RAD51B: variants seen among roughly 807,000 people sequenced by gnomAD.
RAD51B encodes DNA repair protein RAD51 homolog 2.
Under a neutral mutation model 42.2 loss-of-function variants are expected in RAD51B, and 38 were observed. The ratio of observed to expected loss-of-function variants is 0.90; its 90% CI spans 0.70 to 1.18. The LOEUF is 1.18. RAD51B is among the 50% of genes most tolerant of loss of function. RAD51B has a pLI of 0.00. For synonymous variants in RAD51B, 154 were observed against 145.2 expected (o/e 1.06, Z -0.43); for missense variants, 373 against 400.7 (o/e 0.93, Z 0.59).
intron 7 of RAD51B, among the ~76,000 whole-genome samples, chr14:68,237,368 A>G (rs1048866198): frequency 1.3e-5 from 2 of 152,250 alleles, no homozygotes; most frequent in African/African-American, 4.8e-5. Flanking sequence ...GATGGGGCCT[A>G]GCAATGTACT....
At chr14:67,888,006 T>G (rs2043113251) in intron 7 of RAD51B, among the ~76,000 whole-genome samples, 1 of 152,204 alleles carries the variant, frequency 6.6e-6, no homozygotes, top group Non-Finnish European at 1.5e-5. Flanking sequence ...AGATAAAATT[T>G]GGTTATGATT....
At chr14:67,971,401 T>G (rs1232022126) in intron 7 of RAD51B, among the ~76,000 whole-genome samples, 1 of 152,098 alleles carries the variant, frequency 6.6e-6, no homozygotes, top group Non-Finnish European at 1.5e-5. Flanking sequence ...CCTCTTAAAC[T>G]TTATAATTCA....
intron 7 of RAD51B, among the ~76,000 whole-genome samples, chr14:67,972,392 G>T (rs1463420416): frequency 1.3e-5 from 2 of 152,048 alleles, no homozygotes; most frequent in Non-Finnish European, 1.5e-5. Context: ...TAGGAAAGCT[G>T]GGAAGGGCCT....
At chr14:67,901,064 A>C (rs1409312485) in intron 7 of RAD51B, among the ~76,000 whole-genome samples, 1 of 152,188 alleles carries the variant, frequency 6.6e-6, no homozygotes, top group Non-Finnish European at 1.5e-5. Flanking sequence ...GGGACCTGAA[A>C]GCAGGTTGCC....
chr14:68,170,238 G>A (rs2078844254), intron 7 of RAD51B, among the ~76,000 whole-genome samples: 1 of 152,188 alleles, frequency 6.6e-6, no homozygotes, highest in African/African-American at 2.4e-5. Context: ...TCTCTCTAGA[G>A]TTTAGCAGCA....
chr14:68,549,689 C>A (rs1888433009), intron 10 of RAD51B, among the ~76,000 whole-genome samples: 1 of 150,700 alleles, frequency 6.6e-6, no homozygotes, highest in South Asian at 2.1e-4. Flanking sequence ...GCTGGGATTA[C>A]AGGCGTGAGC....
At chr14:68,396,508 A>G (rs985353554) in intron 8 of RAD51B, among the ~76,000 whole-genome samples, 7 of 152,244 alleles carry the variant, frequency 4.6e-5, no homozygotes, top group Non-Finnish European at 4.4e-5. Flanking sequence ...AAACATCCTA[A>G]GATACAGAAA....
intron 7 of RAD51B, among the ~76,000 whole-genome samples, chr14:68,016,325 A>G (rs534399708): frequency 1.7e-4 from 26 of 152,004 alleles, no homozygotes; most frequent in Non-Finnish European, 3.7e-4. Flanking sequence ...CCATTTTACA[A>G]CTCCCACCAT....
chr14:68,606,401 C>T (rs1891448313), intron 10 of RAD51B, among the ~76,000 whole-genome samples: 1 of 152,212 alleles, frequency 6.6e-6, no homozygotes, highest in Non-Finnish European at 1.5e-5. Flanking sequence ...CAGCAAGCAC[C>T]ACGTGTCCTT....
intron 7 of RAD51B, among the ~76,000 whole-genome samples, chr14:67,980,475 G>A (rs527809058): frequency 6.6e-6 from 1 of 152,144 alleles, no homozygotes; most frequent in South Asian, 2.1e-4. Flanking sequence ...AAAATTAGAG[G>A]ACTAACATTA....
chr14:68,085,768 G>A (rs553738716), intron 7 of RAD51B, among the ~76,000 whole-genome samples: 3 of 152,276 alleles, frequency 2.0e-5, no homozygotes, highest in South Asian at 4.1e-4. Context: ...AAGATGGTAT[G>A]TGAAGGTGGT....
At chr14:67,928,396 G>C (rs1311284673) in intron 7 of RAD51B, among the ~76,000 whole-genome samples, 1 of 152,178 alleles carries the variant, frequency 6.6e-6, no homozygotes, top group East Asian at 1.9e-4. Flanking sequence ...GGGGCTCTGA[G>C]AGAGAAACCA....
chr14:68,403,039 A>G (rs2084158834), intron 8 of RAD51B, among the ~76,000 whole-genome samples: 2 of 152,228 alleles, frequency 1.3e-5, no homozygotes, highest in South Asian at 4.1e-4. Flanking sequence ...ATTACATGGA[A>G]TGTGCTTCAG....
intron 7 of RAD51B, chr14:67,908,626 C>T (rs1237914614): frequency 6.6e-6 from 1 of 151,796 alleles, no homozygotes. Flanking sequence ...TTAGGAACTG[C>T]TAGAAGTTTT....
At chr14:68,343,915 A>T (rs966397816) in intron 8 of RAD51B, among the ~76,000 whole-genome samples, 3 of 152,234 alleles carry the variant, frequency 2.0e-5, no homozygotes, top group African/African-American at 7.2e-5. Flanking sequence ...AGTGGCTTTC[A>T]TGTGGTATTA....
intron 7 of RAD51B, among the ~76,000 whole-genome samples, chr14:67,969,390 A>G (rs893372664): frequency 1.1e-4 from 16 of 152,154 alleles, no homozygotes; most frequent in Non-Finnish European, 2.1e-4. Flanking sequence ...TCCTTAACCC[A>G]CTTCTACCCA....
chr14:68,425,975 T>TTCCTTC (rs2084829566), intron 9 of RAD51B, among the ~76,000 whole-genome samples: 4 of 86,028 alleles, frequency 4.6e-5, no homozygotes, highest in Admixed American at 2.7e-4. Context: ...TTTCTTTCTT[T>TTCCTTC]CTTCCTTCCT....
chr14:67,948,487 T>C (rs1274132003), intron 7 of RAD51B, among the ~76,000 whole-genome samples: 8 of 152,208 alleles, frequency 5.3e-5, no homozygotes. Flanking sequence ...CCATACCTTG[T>C]AGATATGGTG....
chr14:68,502,146 A>G (rs779551700), intron 10 of RAD51B, among the ~76,000 whole-genome samples: 1 of 152,266 alleles, frequency 6.6e-6, no homozygotes, highest in Non-Finnish European at 1.5e-5. Flanking sequence ...AGCCCAACCA[A>G]ATAAGTAAAA....
Sources: allele counts gnomAD v4.1 joint callset (sites outside exome capture counted in the v4.1 genomes callset), GRCh38; gene constraint gnomAD v4.1.1; transcripts MANE v1.5; gene names NCBI Gene and HGNC (gene_info 2026-07-23, HGNC 2026-07-21).